The following ENDOV variants were observed in gnomAD, a reference collection of about 807,000 sequenced individuals.
ENDOV encodes hEndoV.
Under a neutral mutation model 39.4 loss-of-function variants are expected in ENDOV, and 37 were observed. The observed-to-expected ratio is 0.94, with a 90% CI of 0.72 to 1.23. The LOEUF is 1.23. Ranked by LOEUF, ENDOV falls within the 50% of genes most tolerant of loss-of-function variation. ENDOV has a pLI of 0.00. For missense variants in ENDOV, 441 were observed against 375.7 expected, an observed-to-expected ratio of 1.17 and a Z score of -1.44; for synonymous variants, 186 against 163.4, an observed-to-expected ratio of 1.14 and a Z score of -1.05.
At chr17:80,418,312 C>T (rs2081475864) in intron 2 of ENDOV, 1 of 152,262 alleles carries the variant, frequency 6.6e-6, no homozygotes, top group Non-Finnish European at 1.5e-5. Flanking sequence ...CCCCCTCCAA[C>T]TTCTCCTGGC....
At position 80,422,014 on chromosome 17, in the gene ENDOV, G is replaced by T; in HGVS notation, c.363+52G>T. On this transcript the variant is annotated intron_variant, in intron 3 of 9. Coordinates refer to ENST00000518137, the MANE Select transcript of ENDOV (RefSeq NM_173627.5). ...GAAAGGTCCCTCCTTCCCCCTGGGG[G>T]AGGGAAGGCTGCTGCAGGTCGCCAC... 15 of 1,595,052 alleles carry T rather than the reference G, an allele frequency of 9.4e-6. 1 individual carries two copies. In the South Asian group the frequency reaches 1.5e-4, roughly 16 times the overall value.
In ENDOV at chr17:80,427,564, G is replaced by A. The variant is rs994950097; in HGVS notation, c.715-1032G>A. ...GATATGCAGCCACCCCGTACCAGGAGCCCGCAGCTTCTTACTGTTGGGCGT... is the reference window on the plus strand; with the variant it reads ...GATATGCAGCCACCCCGTACCAGGAACCCGCAGCTTCTTACTGTTGGGCGT... On this transcript the variant is annotated intron_variant, in intron 7 of 9. Transcript: ENST00000518137. 21 of 1,068,022 alleles carry A rather than the reference G, an allele frequency of 2.0e-5. No individual in the cohort carries two copies. In the South Asian group the frequency reaches 5.0e-4, roughly 26 times the overall value. 66.2% of individuals were successfully genotyped at this position (1,068,022 alleles called of 1,614,324 possible).
At position 80,425,639 on chromosome 17, in the gene ENDOV, C is replaced by G; in HGVS notation, c.714+19C>G. 1 of 1,564,106 alleles carries G rather than the reference C, an allele frequency of 6.4e-7. No individual in the cohort carries two copies. The highest frequency in any genetic ancestry group is 8.6e-7 in the Non-Finnish European group (1 of 1,162,434). ...GCGCCAGGTGGGTGTGCTGGGGATG[C>G]GGGGAGGCAGCACAGGCTCCTCTGC... On this transcript the variant is annotated intron_variant, in intron 7 of 9. Transcript: ENST00000518137.
rs2083604957 is a variant in ENDOV, at chr17:80,436,646, T to C, written c.*503T>C. 1 of 201,966 alleles carries C rather than the reference T, an allele frequency of 5.0e-6. No homozygotes were observed. Among genetic ancestry groups the C allele is most frequent in the African/African-American group, 2.4e-5 (1 of 42,520 alleles). 12.5% of individuals were successfully genotyped at this position (201,966 alleles called of 1,614,324 possible). On this transcript the variant is annotated 3_prime_UTR_variant, in exon 10 of 10. Coordinates refer to ENST00000518137, the MANE Select transcript of ENDOV (RefSeq NM_173627.5). ...ATGGTGTATAATCCATTTACTCTGC[T>C]GCTGAATGTGATTTGCTTGTATTTT...
At position 80,436,484 on chromosome 17, in the gene ENDOV, G is replaced by C. The variant is rs1455518155; in HGVS notation, c.*341G>C. The C allele has an allele frequency of 1.6e-5, 12 of 759,100 alleles. No homozygotes were observed. Among genetic ancestry groups the C allele is most frequent in the Non-Finnish European group, 2.0e-5 (11 of 543,694 alleles). The allele number at this position is 759,100 out of a possible 1,614,324, so 47.0% of individuals were successfully genotyped here. A position where few individuals can be genotyped will look rare whatever the true frequency, so the allele number is the denominator to read the frequency against. ...TTTGTTAAGTGTTTTTATCCTTAAAGGGTACTGGATTTTGTCAAATGCTTT... is the reference window on the plus strand; with the variant it reads ...TTTGTTAAGTGTTTTTATCCTTAAACGGTACTGGATTTTGTCAAATGCTTT... On this transcript the variant is annotated 3_prime_UTR_variant, in exon 10 of 10. Coordinates refer to ENST00000518137, the MANE Select transcript of ENDOV (RefSeq NM_173627.5).
chr17:80,427,898 T>C, intron 7 of ENDOV: 1 of 1,224,862 alleles, frequency 8.2e-7, no homozygotes, highest in South Asian at 1.4e-5. Flanking sequence ...CCCCCATGAA[T>C]GGAAGCAGGA....
At chr17:80,419,261 T>C (rs2081631120) in intron 2 of ENDOV, among the ~76,000 whole-genome samples, 1 of 152,100 alleles carries the variant, frequency 6.6e-6, no homozygotes, top group Non-Finnish European at 1.5e-5. Context: ...ATCTGCTTTT[T>C]AAAATAAGCT....
chr17:80,423,183 C>A (rs1240953287), intron 4 of ENDOV, among the ~76,000 whole-genome samples: 2 of 152,220 alleles, frequency 1.3e-5, no homozygotes, highest in Admixed American at 1.3e-4. Flanking sequence ...ATGCTCGTGC[C>A]AGCGCTGGCA....
chr17:80,431,678 A>G (rs1373036440), intron 9 of ENDOV, among the ~76,000 whole-genome samples: 1 of 152,210 alleles, frequency 6.6e-6, no homozygotes, highest in African/African-American at 2.4e-5. Context: ...AGCCCTGGGC[A>G]CTTGGGCCTG....
At position 80,415,946 on chromosome 17, in the gene ENDOV, C is replaced by A. The variant is rs1433649670; in HGVS notation, c.228+125C>A. On this transcript the variant is annotated intron_variant, in intron 2 of 9. Transcript: ENST00000518137. ...CGTTTTGTAGGATGTCATTAATAGT[C>A]TGGGGAGTTGGCCGGGCGCGGTGGC... 8.5e-6 allele frequency: 11 copies of A among 1,289,034 alleles called. No individual in the cohort carries two copies. The African/African-American group carries it at 1.4e-4, about 16-fold the overall frequency. The allele number at this position is 1,289,034 out of a possible 1,614,324, so 79.8% of individuals were successfully genotyped here. A position where few individuals can be genotyped will look rare whatever the true frequency, so the allele number is the denominator to read the frequency against.
intron 1 of ENDOV, 61 bp from the exon 2 acceptor site, chr17:80,415,589 G>A: frequency 6.4e-7 from 1 of 1,564,340 alleles, no homozygotes; most frequent in South Asian, 1.2e-5. Flanking sequence ...CAGCCGCGCG[G>A]GTGGAGGAGG....
chr17:80,419,458 G>A (rs1289920377), intron 2 of ENDOV: 6 of 640,026 alleles, frequency 9.4e-6, no homozygotes, highest in Non-Finnish European at 1.7e-5. Context: ...CAGATGCTGA[G>A]CGATGGCTGG....
At chr17:80,426,608 G>T (rs1408151104) in intron 7 of ENDOV, among the ~76,000 whole-genome samples, 1 of 152,196 alleles carries the variant, frequency 6.6e-6, no homozygotes, top group Admixed American at 6.5e-5. Flanking sequence ...CCCTGATTGG[G>T]CCACTGCACT....
At chr17:80,416,411 G>A (rs1051531779) in intron 2 of ENDOV, among the ~76,000 whole-genome samples, 2 of 152,068 alleles carry the variant, frequency 1.3e-5, no homozygotes, top group Non-Finnish European at 2.9e-5. Context: ...AGTTGCCCAA[G>A]CTGGAGATCT....
chr17:80,431,133 C>T (rs1242803536), intron 9 of ENDOV, among the ~76,000 whole-genome samples: 24 of 152,244 alleles, frequency 1.6e-4, no homozygotes. Flanking sequence ...CATGATTTGA[C>T]AGCTTGGGAC....
chr17:80,421,483 C>T (rs560889920), intron 2 of ENDOV, among the ~76,000 whole-genome samples: 86 of 126,834 alleles, frequency 6.8e-4, no homozygotes, highest in Non-Finnish European at 1.1e-3. Flanking sequence ...TCATATGGAC[C>T]GGGTCCCAGG....
In ENDOV at chr17:80,415,257, C is replaced by G; in HGVS notation, c.56+7C>G. 1.2e-6 allele frequency: 2 copies of G among 1,613,280 alleles called. No individual in the cohort carries two copies. Among genetic ancestry groups the G allele is most frequent in the African/African-American group, 1.3e-5 (1 of 75,052 alleles). ...CGCTGTCACTGTGGAAACGGTAATG[C>G]TGTCAGGCGACGCGCAGGAGGCGGG... On this transcript the variant is annotated splice_region_variant and intron_variant, in intron 1 of 9. Coordinates refer to ENST00000518137, the MANE Select transcript of ENDOV (RefSeq NM_173627.5).
chr17:80,426,070 G>T (rs1453704370), intron 7 of ENDOV, among the ~76,000 whole-genome samples: 1 of 152,168 alleles, frequency 6.6e-6, no homozygotes, highest in Non-Finnish European at 1.5e-5. Context: ...GGGTATGCCC[G>T]CCCCAGGACC....
At chr17:80,427,508 C>A (rs2082853539) in intron 7 of ENDOV, 2 of 985,476 alleles carry the variant, frequency 2.0e-6, no homozygotes, top group African/African-American at 3.5e-5. Context: ...TGGGCCCACC[C>A]TCCAGAGGAA....
Sources: allele counts gnomAD v4.1 joint callset (sites outside exome capture counted in the v4.1 genomes callset), GRCh38; gene constraint gnomAD v4.1.1; transcripts MANE v1.5; gene names NCBI Gene and HGNC (gene_info 2026-07-23, HGNC 2026-07-21).